Variants in NKTR observed in about 807,000 individuals in gnomAD.
NKTR encodes NK-tumor recognition protein.
In NKTR, 67 loss-of-function variants were observed where a neutral mutation model predicts 156.3. The ratio of observed to expected loss-of-function variants is 0.43; its 90% CI spans 0.35 to 0.53. NKTR has a LOEUF of 0.53. Ranked by LOEUF, NKTR falls within the 20% of genes least tolerant of loss-of-function variation. The pLI is 0.01. For synonymous variants in NKTR, 640 were observed against 596.6 expected (o/e 1.07, Z -1.06); for missense variants, 1,604 against 1,730.9 (o/e 0.93, Z 1.30).
At position 42,632,718 on chromosome 3, in the gene NKTR, G is replaced by GGA; in HGVS notation, c.670_671dup (p.Lys225GlyfsTer31). 6.2e-7 allele frequency: 1 copy of GGA among 1,613,804 alleles called. No individual in the cohort carries two copies. ...GAACTTGAACATGAGAGAAGCAGAA[G>GGA]GAGGAAACATAAGAGGAGGCCAAAA... On this transcript the variant is annotated frameshift_variant, in exon 9 of 17. Coordinates refer to ENST00000232978, the MANE Select transcript of NKTR (RefSeq NM_005385.4). LOFTEE classifies it high-confidence loss of function.
rs746464816 is a variant in NKTR at position 42,647,158 on chromosome 3, C to CG, written c.*1183_*1184insG. On this transcript the variant is annotated 3_prime_UTR_variant, in exon 17 of 17. Transcript: ENST00000232978. The stretch of plus-strand genomic sequence containing the variant: ...CAGCTGACTCAAAGCCTTGCGTGAC[C>CG]TGACCCAGGTGCAAGAGACAGGGGA... 1 of 152,002 alleles carries CG rather than the reference C, an allele frequency of 6.6e-6. No homozygotes were observed. Among genetic ancestry groups the CG allele is most frequent in the Non-Finnish European group, 1.5e-5 (1 of 68,024 alleles). The allele number at this position is 152,002 out of a possible 1,614,324, so 9.4% of individuals were successfully genotyped here.
At chr3:42,633,460 T>G in intron 9 of NKTR, 120 bp from the exon 10 acceptor site, 1 of 1,442,220 alleles carries the variant, frequency 6.9e-7, no homozygotes, top group South Asian at 1.5e-5. Context: ...ATATAACTCT[T>G]TTGAGTGAGA....
intron 6 of NKTR, among the ~76,000 whole-genome samples, chr3:42,625,629 A>C (rs780382330): frequency 1.1e-4 from 17 of 152,100 alleles, no homozygotes; most frequent in Non-Finnish European, 2.1e-4. Flanking sequence ...TGCTTTTTCT[A>C]CCCACGTATT....
At chr3:42,621,873 A>G (rs1256264788) in intron 6 of NKTR, among the ~76,000 whole-genome samples, 1 of 151,980 alleles carries the variant, frequency 6.6e-6, no homozygotes, top group Non-Finnish European at 1.5e-5. Flanking sequence ...TTGTTCATAG[A>G]CGAGTATTCA....
intron 2 of NKTR, among the ~76,000 whole-genome samples, chr3:42,611,662 G>A (rs930021141): frequency 6.6e-6 from 1 of 151,538 alleles, no homozygotes; most frequent in Non-Finnish European, 1.5e-5. Context: ...GAACCCAGGA[G>A]GCGGAGATTG....
intron 2 of NKTR, among the ~76,000 whole-genome samples, chr3:42,608,718 G>C (rs1425934803): frequency 6.6e-6 from 1 of 152,194 alleles, no homozygotes; most frequent in Non-Finnish European, 1.5e-5. Flanking sequence ...CCAAGGCATG[G>C]TTTTTCTGGC....
rs565780853 is a variant in NKTR at position 42,631,639 on chromosome 3, C to T, written c.550+323C>T. Among the ~76,000 whole-genome samples, 14 of 152,274 alleles carry T rather than the reference C, an allele frequency of 9.2e-5. No homozygotes were observed. In the South Asian group the frequency reaches 2.3e-3, roughly 25 times the overall value. ...GGTCTCATTGCTTATATCCTAGGCC[C>T]GCTGTGGTCTGTCCTTAACAGCAAC... On this transcript the variant is annotated intron_variant, in intron 8 of 16. Coordinates refer to ENST00000232978, the MANE Select transcript of NKTR (RefSeq NM_005385.4).
intron 4 of NKTR, 22 bp downstream of exon 4, chr3:42,619,149 C>G (rs1707683304): frequency 6.3e-7 from 1 of 1,591,254 alleles, no homozygotes; most frequent in Admixed American, 1.9e-5. Context: ...AGTTGTGTTC[C>G]TAATAACTCC....
Position 42,639,722 on chromosome 3 carries a change from C to A in NKTR, c.4018C>A (p.Arg1340=), listed in dbSNP as rs1477726481. 1.2e-6 allele frequency: 2 copies of A among 1,609,996 alleles called. No homozygotes were observed. The highest frequency in any genetic ancestry group is 1.7e-6 in the Non-Finnish European group (2 of 1,178,254). ...RSVSYSHSRS[R]SRSSTSSYRS... is the part of the protein sequence containing the mutation. The stretch of plus-strand genomic sequence containing the variant: ...TGTCTCCTATAGTCACTCAAGAAGT[C>A]GATCGAGAAGTTCCACATCATCTTA... Residue 1340 remains arginine (R), a synonymous_variant, in exon 13 of 17, where the codon CGA becomes AGA. Transcript: ENST00000232978.
In NKTR at chr3:42,637,110, A is replaced by T. The variant is rs1709495494; in HGVS notation, c.1406A>T (p.Lys469Ile). 1 of 1,607,132 alleles carries T rather than the reference A, an allele frequency of 6.2e-7. No homozygotes were observed. The highest frequency in any genetic ancestry group is 1.3e-5 in the African/African-American group (1 of 74,198). ...ILIPSDIESSKSSTRRMKSSC... is the reference protein window; with the variant it reads ...ILIPSDIESSISSTRRMKSSC... ...ATACCGTCTGACATAGAATCCTCAA[A>T]ATCTTCCACTCGAAGAATGAAATCC... is the stretch of plus-strand genomic sequence containing the variant. Residue 469 changes from lysine (K) to isoleucine (I), a missense_variant, in exon 13 of 17, where the codon AAA becomes ATA. Physicochemically the swap from Lys to Ile is moderately radical, Grantham distance 102 (BLOSUM62 -3). This residue lies in a region of NKTR where 1,255 missense variants were observed against 1,243.7 expected (regional missense o/e 1.01). Transcript: ENST00000232978.
intron 2 of NKTR, among the ~76,000 whole-genome samples, chr3:42,614,516 T>A (rs1398462894): frequency 1.3e-5 from 2 of 152,132 alleles, no homozygotes; most frequent in Non-Finnish European, 2.9e-5. Flanking sequence ...TGGTAGCCTG[T>A]TTTCTATAAA....
chr3:42,614,249 G>T (rs966600283), intron 2 of NKTR, among the ~76,000 whole-genome samples: 1 of 152,128 alleles, frequency 6.6e-6, no homozygotes, highest in African/African-American at 2.4e-5. Flanking sequence ...CAGAGATGGG[G>T]TTACTGTCAC....
Position 42,642,512 on chromosome 3 carries a change from A to G in NKTR, c.4058A>G (p.Tyr1353Cys). 1 of 1,612,298 alleles carries G rather than the reference A, an allele frequency of 6.2e-7. No homozygotes were observed. Among genetic ancestry groups the G allele is most frequent in the Non-Finnish European group, 8.5e-7 (1 of 1,178,364 alleles). ...SSTSSYRSRS[Y>C]SRSRSRGWYS... ...TGCTTTAATTGTAGATCAAGAAGCT[A>G]CTCTAGAAGTCGGAGCAGAGGATGG... Residue 1353 changes from tyrosine to cysteine, a missense_variant, in exon 14 of 17, where the codon TAC becomes TGC. Physicochemically the swap from Tyr to Cys is radical, Grantham distance 194. Coordinates refer to ENST00000232978, the MANE Select transcript of NKTR (RefSeq NM_005385.4).
chr3:42,640,325 G>A (rs141738851), intron 13 of NKTR, among the ~76,000 whole-genome samples: 6 of 152,228 alleles, frequency 3.9e-5, no homozygotes, highest in African/African-American at 1.4e-4. Flanking sequence ...TTTTGTTATT[G>A]TTATAAATTG....
intron 13 of NKTR, among the ~76,000 whole-genome samples, chr3:42,640,021 A>G (rs552088379): frequency 6.6e-6 from 1 of 152,304 alleles, no homozygotes; most frequent in East Asian, 1.9e-4. Flanking sequence ...TAAATTCTCC[A>G]TCTTTAAAGG....
chr3:42,602,557 C>T (rs1171122472), intron 2 of NKTR: 1 of 151,084 alleles, frequency 6.6e-6, no homozygotes, highest in Non-Finnish European at 1.5e-5. Context: ...GGGTTTCGAG[C>T]AAAGGGATGA....
intron 15 of NKTR, 28 bp downstream of exon 15, chr3:42,643,423 G>A (rs902283918): frequency 1.3e-6 from 2 of 1,577,400 alleles, no homozygotes; most frequent in Admixed American, 3.4e-5. Flanking sequence ...GAAACCACCA[G>A]TGGGGCAGAA....
rs900693765 is a variant in NKTR at position 42,647,152 on chromosome 3, C to T, written c.*1177C>T. The T allele has an allele frequency of 2.6e-5, 4 of 152,190 alleles. No homozygotes were observed. The highest frequency in any genetic ancestry group is 2.1e-4 in the South Asian group (1 of 4,820). 9.4% of individuals were successfully genotyped at this position (152,190 alleles called of 1,614,324 possible). A position where few individuals can be genotyped will look rare whatever the true frequency, so the allele number is the denominator to read the frequency against. On this transcript the variant is annotated 3_prime_UTR_variant, in exon 17 of 17. Transcript: ENST00000232978. ...GACCTGCAGCTGACTCAAAGCCTTG[C>T]GTGACCTGACCCAGGTGCAAGAGAC...
intron 5 of NKTR, 97 bp downstream of exon 5, chr3:42,619,805 CT>C: frequency 1.3e-6 from 2 of 1,543,358 alleles, no homozygotes; most frequent in Non-Finnish European, 8.7e-7. Flanking sequence ...TTATAGTTCA[CT>C]TTTTGCATGA....
Sources: gnomAD v4.1 joint callset for allele counts (sites outside exome capture counted in the v4.1 genomes callset) on GRCh38, gnomAD v4.1.1 for gene constraint, gnomAD v4.1.1 regional missense constraint, MANE v1.5 for transcripts, NCBI Gene and HGNC (gene_info 2026-07-23, HGNC 2026-07-21) for gene names.